CDH13: variants seen among roughly 807,000 people sequenced by gnomAD.
CDH13 encodes the protein cadherin-13.
Under a neutral mutation model 63.8 loss-of-function variants are expected in CDH13, and 24 were observed. That is an observed-to-expected ratio of 0.38 (90% CI 0.27 to 0.53). CDH13 has a LOEUF of 0.53. CDH13 is among the 20% of genes least tolerant of loss of function. The pLI is 0.85. For synonymous variants in CDH13, 503 were observed against 355.3 expected, an observed-to-expected ratio of 1.42 and a Z score of -4.67; for missense variants, 1,049 against 903.1, an observed-to-expected ratio of 1.16 and a Z score of -2.07.
chr16:83,283,067 C>G (rs1357586409), intron 5 of CDH13, among the ~76,000 whole-genome samples: 1 of 152,192 alleles, frequency 6.6e-6, no homozygotes, highest in African/African-American at 2.4e-5. Context: ...AAAGTTCCCA[C>G]TTAATGATGG....
chr16:82,668,209 C>T (rs181659233), intron 1 of CDH13, among the ~76,000 whole-genome samples: 1 of 152,224 alleles, frequency 6.6e-6, no homozygotes, highest in Non-Finnish European at 1.5e-5. Context: ...CAAACCCTGG[C>T]ACCTAAGACT....
chr16:83,665,809 T>C (rs182338303), intron 8 of CDH13, among the ~76,000 whole-genome samples: 40 of 152,338 alleles, frequency 2.6e-4, no homozygotes, highest in African/African-American at 8.9e-4. Flanking sequence ...CCATCTTCCA[T>C]GTTAATCTAA....
At chr16:83,348,191 G>GA (rs1255398379) in intron 6 of CDH13, among the ~76,000 whole-genome samples, 8 of 151,964 alleles carry the variant, frequency 5.3e-5, no homozygotes, top group African/African-American at 1.9e-4. Flanking sequence ...CTCCATCTAG[G>GA]AAAAAAATGA....
intron 7 of CDH13, among the ~76,000 whole-genome samples, chr16:83,498,528 A>G (rs560929079): frequency 6.6e-6 from 1 of 152,324 alleles, no homozygotes; most frequent in South Asian, 2.1e-4. Context: ...TGTCTTACAT[A>G]TCACCATGTG....
chr16:83,101,163 T>C (rs1454268057), intron 3 of CDH13, among the ~76,000 whole-genome samples: 3 of 151,486 alleles, frequency 2.0e-5, no homozygotes, highest in Non-Finnish European at 4.4e-5. Context: ...TAATATATAT[T>C]TATATATCAT....
chr16:83,196,919 C>T (rs1203624218), intron 4 of CDH13, among the ~76,000 whole-genome samples: 1 of 152,114 alleles, frequency 6.6e-6, no homozygotes, highest in Non-Finnish European at 1.5e-5. Flanking sequence ...TACCATGGAA[C>T]CCAGCAATTG....
chr16:83,369,249 T>A (rs1597849265), intron 6 of CDH13, among the ~76,000 whole-genome samples: 1 of 151,874 alleles, frequency 6.6e-6, no homozygotes, highest in East Asian at 1.9e-4. Context: ...TTTACACTGT[T>A]GGTGGGAAAA....
At chr16:83,429,781 T>G (rs1299898626) in intron 6 of CDH13, among the ~76,000 whole-genome samples, 1 of 152,172 alleles carries the variant, frequency 6.6e-6, no homozygotes, top group African/African-American at 2.4e-5. Context: ...TTTATTGTGG[T>G]AAGAACACTT....
chr16:83,419,841 C>T (rs896758575), intron 6 of CDH13, among the ~76,000 whole-genome samples: 1 of 151,856 alleles, frequency 6.6e-6, no homozygotes, highest in African/African-American at 2.4e-5. Flanking sequence ...ATCTTGCTTC[C>T]AAACAAAATA....
At chr16:82,851,989 A>G (rs1395306879) in intron 1 of CDH13, among the ~76,000 whole-genome samples, 1 of 152,194 alleles carries the variant, frequency 6.6e-6, no homozygotes, top group Non-Finnish European at 1.5e-5. Context: ...AATGACAAGA[A>G]AGCAAAAAGA....
At position 83,051,950 on chromosome 16, in the gene CDH13, T is replaced by G. The variant is rs187807403; in HGVS notation, c.366+19732T>G. Among the ~76,000 whole-genome samples, 420 of 152,306 alleles carry G rather than the reference T, an allele frequency of 2.8e-3. 4 individuals carry two copies. The highest frequency in any genetic ancestry group is 0.024 in the Middle Eastern group (7 of 294). Reference sequence around the variant, plus strand: ...AACCATTTAATTTTTTTTTTGTTGTTAACTTTGTCCTTGTTAACATTAATT... The same window carrying G: ...AACCATTTAATTTTTTTTTTGTTGTGAACTTTGTCCTTGTTAACATTAATT... On this transcript the variant is annotated intron_variant, in intron 3 of 13. Transcript: ENST00000567109.
rs537694228 is a variant in CDH13 at position 83,333,496 on chromosome 16, T to A, written c.637-11366T>A. On this transcript the variant is annotated intron_variant, in intron 5 of 13. Transcript: ENST00000567109. ...TCAGGGTGCTGCTCTTTGGACTACCTTTGAAATCTTGACCTGTGACGAGGC... is the reference window on the plus strand; with the variant it reads ...TCAGGGTGCTGCTCTTTGGACTACCATTGAAATCTTGACCTGTGACGAGGC... Among the ~76,000 whole-genome samples, 25 of 152,248 alleles carry A rather than the reference T, an allele frequency of 1.6e-4. No homozygotes were observed. In the South Asian group the frequency reaches 5.2e-3, roughly 32 times the overall value.
rs145736411 is a variant in CDH13 at position 82,858,032 on chromosome 16, C to T, written c.46-330C>T. 3.7e-3 allele frequency among the ~76,000 whole-genome samples: 562 copies of T among 152,246 alleles called. 4 individuals are homozygous for T. Among genetic ancestry groups the T allele is most frequent in the African/African-American group, 0.013 (536 of 41,546 alleles). On this transcript the variant is annotated intron_variant, in intron 1 of 13. Transcript: ENST00000567109. ...TGTATAAAAATGAAGTTGGTTTTAG[C>T]TTAGGCATCATGGAAAATTGACAGT...
chr16:83,042,445 C>T (rs530585437), intron 3 of CDH13, among the ~76,000 whole-genome samples: 8 of 152,254 alleles, frequency 5.3e-5, no homozygotes, highest in Admixed American at 2.0e-4. Flanking sequence ...CCCATCACCC[C>T]GAGACAGGAC....
intron 2 of CDH13, among the ~76,000 whole-genome samples, chr16:82,956,509 C>G (rs991257981): frequency 5.3e-5 from 8 of 152,100 alleles, no homozygotes. Context: ...CAAATGGCAG[C>G]TGAAGGATTA....
At chr16:83,526,621 G>A (rs747418211) in intron 7 of CDH13, among the ~76,000 whole-genome samples, 16 of 152,306 alleles carry the variant, frequency 1.1e-4, no homozygotes, top group Admixed American at 4.6e-4. Context: ...TCCTAACAGC[G>A]TACAGACTAG....
At chr16:83,448,036 G>A (rs2072763787) in intron 6 of CDH13, among the ~76,000 whole-genome samples, 1 of 152,096 alleles carries the variant, frequency 6.6e-6, no homozygotes, top group Admixed American at 6.5e-5. Flanking sequence ...TACTTCCAAG[G>A]GAATGAGAGG....
rs1002519200 is a variant in CDH13, at chr16:83,748,270, C to T, written c.1681+20C>T. On this transcript the variant is annotated intron_variant, in intron 11 of 13. Transcript: ENST00000567109. ...ACAGTGGTGAGTACTTGACAAAGACCATCAAGGGTATACTTTTCTGCTACA... is the reference window on the plus strand; with the variant it reads ...ACAGTGGTGAGTACTTGACAAAGACTATCAAGGGTATACTTTTCTGCTACA... 2.5e-6 allele frequency: 4 copies of T among 1,582,718 alleles called. No homozygotes were observed. The highest frequency in any genetic ancestry group is 2.7e-5 in the African/African-American group (2 of 74,314).
chr16:82,730,665 C>A (rs1231472946), intron 1 of CDH13, among the ~76,000 whole-genome samples: 1 of 152,156 alleles, frequency 6.6e-6, no homozygotes, highest in African/African-American at 2.4e-5. Context: ...AAAAATGACA[C>A]CAATACACTT....
Sources: allele counts gnomAD v4.1 joint callset (sites outside exome capture counted in the v4.1 genomes callset), GRCh38; gene constraint gnomAD v4.1.1; transcripts MANE v1.5; gene names NCBI Gene and HGNC (gene_info 2026-07-23, HGNC 2026-07-21).